The following PPP2R5C variants were observed in gnomAD, a reference collection of about 807,000 sequenced individuals.
PPP2R5C encodes the protein protein phosphatase 2 regulatory subunit B'gamma.
A neutral mutation model predicts 68.9 loss-of-function variants in PPP2R5C; 7 were observed. The observed-to-expected ratio is 0.10, with a 90% CI of 0.06 to 0.19. PPP2R5C has a LOEUF of 0.19. Among genes scored for constraint, PPP2R5C ranks in the 10% least tolerant of loss-of-function variants. The probability of loss-of-function intolerance (pLI) is 1.00; values close to 1 mark genes in which losing one functional copy is unlikely to be tolerated. For missense variants in PPP2R5C, 348 were observed against 641.3 expected, an observed-to-expected ratio of 0.54 and a Z score of 4.94; for synonymous variants, 210 against 222.2, an observed-to-expected ratio of 0.95 and a Z score of 0.49.
At chr14:101,798,630 T>C (rs2038724096) in intron 3 of PPP2R5C, among the ~76,000 whole-genome samples, 2 of 152,266 alleles carry the variant, frequency 1.3e-5, no homozygotes, top group Admixed American at 6.5e-5. Flanking sequence ...CATTATTGTC[T>C]AGTACATAGA....
In PPP2R5C at chr14:101,915,591, G is replaced by A. The variant is rs577261901; in HGVS notation, c.1327-2240G>A. On this transcript the variant is annotated intron_variant, in intron 12 of 13. Transcript: ENST00000334743. The surrounding 1 kb of genome is among the most constrained non-coding windows in gnomAD (Gnocchi z 4.2). ...TGGAGTAGTCAAAAGCAGAAGAAGCGTTGGTGTGAAACAGTCCCCGCAAGT... is the reference window on the plus strand; with the variant it reads ...TGGAGTAGTCAAAAGCAGAAGAAGCATTGGTGTGAAACAGTCCCCGCAAGT... 2.6e-5 allele frequency among the ~76,000 whole-genome samples: 4 copies of A among 152,308 alleles called. No individual in the cohort carries two copies. The highest frequency in any genetic ancestry group is 6.5e-5 in the Admixed American group (1 of 15,298).
At chr14:101,890,424 C>T (rs116910053) in intron 6 of PPP2R5C, 128 bp downstream of exon 8, 10,782 of 868,668 alleles carry the variant, frequency 0.012, 103 homozygotes, top group Non-Finnish European at 0.016. Context: ...AATTCAAATA[C>T]AATTTCACTG....
At chr14:101,889,677 A>G (rs1188424084) in intron 5 of PPP2R5C, 3 of 256,360 alleles carry the variant, frequency 1.2e-5, no homozygotes, top group African/African-American at 7.0e-5. Context: ...TGCTTCAGAA[A>G]GATCGCACCT....
At chr14:101,856,920 TC>T in intron 2 of PPP2R5C, 35 bp downstream of exon 4, 1 of 1,592,730 alleles carries the variant, frequency 6.3e-7, no homozygotes, top group Non-Finnish European at 8.6e-7. Flanking sequence ...GTGTCCCAGT[TC>T]TGATTTATAA....
chr14:101,779,649 G>A (rs1196003360), intron 2 of PPP2R5C, among the ~76,000 whole-genome samples: 2 of 152,108 alleles, frequency 1.3e-5, no homozygotes, highest in East Asian at 1.9e-4. Flanking sequence ...ATAAGTGTGG[G>A]GGAGACAGCG....
intron 2 of PPP2R5C, among the ~76,000 whole-genome samples, chr14:101,773,612 C>T (rs1454302394): frequency 6.6e-6 from 1 of 151,996 alleles, no homozygotes; most frequent in African/African-American, 2.4e-5. Context: ...GGTAGGGAGC[C>T]GAGCACAGAC....
chr14:101,786,140 C>T (rs374048414), exon 3 of PPP2R5C: 17 of 1,588,898 alleles, frequency 1.1e-5, no homozygotes, highest in South Asian at 5.8e-5. Flanking sequence ...CAAGGTTTAG[C>T]GCAAGCAATA....
chr14:101,795,503 TAAAG>T (rs1352219195), intron 3 of PPP2R5C, among the ~76,000 whole-genome samples: 1 of 152,146 alleles, frequency 6.6e-6, no homozygotes, highest in Non-Finnish European at 1.5e-5. Flanking sequence ...AAGTGTTAAA[TAAAG>T]AGACCTTTTT....
chr14:101,901,105 C>T (rs1393086231), intron 8 of PPP2R5C, among the ~76,000 whole-genome samples: 1 of 152,222 alleles, frequency 6.6e-6, no homozygotes, highest in Non-Finnish European at 1.5e-5. Flanking sequence ...TGTATAAACA[C>T]ATATGGATGG....
intron 2 of PPP2R5C, among the ~76,000 whole-genome samples, chr14:101,878,152 T>C (rs1251120347): frequency 1.3e-5 from 2 of 152,200 alleles, no homozygotes; most frequent in Non-Finnish European, 2.9e-5. Context: ...CCATCCCTCC[T>C]TACAAAGACA....
exon 14 of PPP2R5C, chr14:101,925,526 T>G (rs1294804343): frequency 2.6e-6 from 1 of 390,032 alleles, no homozygotes; most frequent in Non-Finnish European, 4.5e-6. Context: ...GTAGTCCAAG[T>G]CAGACTATTT....
At chr14:101,787,574 T>C (rs191032339) in intron 3 of PPP2R5C, among the ~76,000 whole-genome samples, 57 of 145,822 alleles carry the variant, frequency 3.9e-4, no homozygotes, top group East Asian at 2.8e-3. Flanking sequence ...CCATCCTGGC[T>C]AACATGGTGA....
Position 101,797,585 on chromosome 14 carries a change from A to C in PPP2R5C, c.259+11402A>C. 4 of 223,426 alleles carry C rather than the reference A, an allele frequency of 1.8e-5. No individual in the cohort carries two copies. The highest frequency in any genetic ancestry group is 3.7e-5 in the Non-Finnish European group (4 of 109,110). 13.8% of individuals were successfully genotyped at this position (223,426 alleles called of 1,614,324 possible). On this transcript the variant is annotated intron_variant, in intron 3 of 14. Transcript: ENST00000328724. This position sits in a 1 kb window ranked among gnomAD's most constrained non-coding sequence, Gnocchi z 4.2. ...GCCACCTATCCCTTCACCTCCCTCC[A>C]CCTCGGATTTCCTCTTGGAAAATGA...
chr14:101,870,147 A>T (rs752104257), intron 2 of PPP2R5C, among the ~76,000 whole-genome samples: 9 of 141,216 alleles, frequency 6.4e-5, no homozygotes, highest in Non-Finnish European at 1.2e-4. Context: ...ATTTTCTCTC[A>T]GTCTGTAGCT....
chr14:101,824,254 G>T (rs747543311), intron 1 of PPP2R5C: 8 of 1,103,864 alleles, frequency 7.2e-6, no homozygotes, highest in Non-Finnish European at 8.1e-6. Context: ...CTTTTTATTC[G>T]TAATGATATA....
At position 101,891,435 on chromosome 14, in the gene PPP2R5C, G is replaced by T. The variant is rs568787438; in HGVS notation, c.689+1139G>T. Among the ~76,000 whole-genome samples the T allele has an allele frequency of 2.0e-5, 3 of 150,616 alleles. No individual in the cohort carries two copies. The East Asian group carries it at 5.8e-4, about 29-fold the overall frequency. ...AAACTTGGGCGGGGTTTCTCCCTCA[G>T]TGCAGTGCAGTGAGTGGTGAAGAGG... On this transcript the variant is annotated intron_variant, in intron 6 of 13. Coordinates refer to ENST00000334743, the Ensembl canonical transcript of PPP2R5C. This position sits in a 1 kb window ranked among gnomAD's most constrained non-coding sequence, Gnocchi z 4.9.
chr14:101,760,732 G>A (rs867185778), upstream of PPP2R5C: 5 of 878,062 alleles, frequency 5.7e-6, no homozygotes, highest in Non-Finnish European at 6.6e-6. Context: ...AGCTGGTGAG[G>A]GGAGGGGCTG....
At chr14:101,861,947 T>C (rs559504933) in intron 2 of PPP2R5C, among the ~76,000 whole-genome samples, 1 of 152,342 alleles carries the variant, frequency 6.6e-6, no homozygotes, top group Non-Finnish European at 1.5e-5. Flanking sequence ...GCCGTCTTGC[T>C]CTGTTGCCCA....
At chr14:101,816,900 A>C (rs1481191474) in intron 1 of PPP2R5C, among the ~76,000 whole-genome samples, 1 of 125,366 alleles carries the variant, frequency 8.0e-6, no homozygotes, top group African/African-American at 3.4e-5. Flanking sequence ...TATTATATAA[A>C]TATATATATA....
Sources: allele counts gnomAD v4.1 joint callset (sites outside exome capture counted in the v4.1 genomes callset), GRCh38; gene constraint gnomAD v4.1.1; non-coding constraint Gnocchi (gnomAD v3.1); transcripts MANE v1.5; gene names NCBI Gene and HGNC (gene_info 2026-07-23, HGNC 2026-07-21).